The following COL5A3 variants were observed in gnomAD, a reference collection of about 807,000 sequenced individuals.
COL5A3 encodes the protein collagen type V alpha 3 chain, also known as collagen alpha-3(V) chain.
In COL5A3, 172 loss-of-function variants were observed where a neutral mutation model predicts 250.0. The ratio of observed to expected loss-of-function variants is 0.69; its 90% CI spans 0.61 to 0.78. COL5A3 has a LOEUF of 0.78. Among genes scored for constraint, COL5A3 ranks in the 30% least tolerant of loss-of-function variants. COL5A3 has a pLI of 0.00. For missense variants in COL5A3, 2,340 were observed against 2,334.4 expected, an observed-to-expected ratio of 1.00 and a Z score of -0.05; for synonymous variants, 937 against 900.4, an observed-to-expected ratio of 1.04 and a Z score of -0.73.
At chr19:10,008,128 C>G (rs1036331868) in intron 1 of COL5A3, among the ~76,000 whole-genome samples, 6 of 152,084 alleles carry the variant, frequency 3.9e-5, no homozygotes, top group African/African-American at 7.2e-5. Context: ...CACTTCCCCA[C>G]GGAACAATCA....
chr19:9,972,483 G>A (rs1342278255), intron 51 of COL5A3, among the ~76,000 whole-genome samples: 1 of 151,974 alleles, frequency 6.6e-6, no homozygotes, highest in African/African-American at 2.4e-5. Flanking sequence ...TCATTCATCC[G>A]TGTTCTGGGG....
In COL5A3 at chr19:9,977,358, C is replaced by T. The variant is rs1365644043; in HGVS notation, c.3234+7G>A. On this transcript the variant is annotated splice_region_variant and intron_variant, in intron 43 of 66. Transcript: ENST00000264828. ...CCCTGGACCCTTCCTCTCTGTGAAC[C>T]CCTCACCTTGTCCCCTTCCTCGCCA... 1.2e-6 allele frequency: 2 copies of T among 1,605,522 alleles called. No individual in the cohort carries two copies. The highest frequency in any genetic ancestry group is 1.7e-6 in the Non-Finnish European group (2 of 1,173,950).
chr19:9,974,277 C>T, intron 46 of COL5A3, 24 bp downstream of exon 46: 1 of 1,609,780 alleles, frequency 6.2e-7, no homozygotes, highest in Non-Finnish European at 8.5e-7. Context: ...ATCAGAAGTG[C>T]CACCCCCAAA....
At chr19:9,962,758 A>AC (rs1222305718) in intron 65 of COL5A3, 61 bp downstream of exon 65, 20 of 1,363,756 alleles carry the variant, frequency 1.5e-5, no homozygotes, top group Non-Finnish European at 1.8e-5. Context: ...CACCCCTCAA[A>AC]CCCCCCTGCT....
At chr19:9,986,644 G>A (rs770654133) in intron 28 of COL5A3, 38 bp from the exon 29 acceptor site, 13 of 1,613,440 alleles carry the variant, frequency 8.1e-6, no homozygotes, top group East Asian at 4.5e-5. Context: ...TGAGGGCCTC[G>A]GGGAAGGGAC....
At chr19:9,985,386 G>A (rs1050921973) in intron 31 of COL5A3, among the ~76,000 whole-genome samples, 4 of 150,008 alleles carry the variant, frequency 2.7e-5, no homozygotes, top group East Asian at 2.0e-4. Flanking sequence ...TCAGCCTCCC[G>A]AGTGGCTAGG....
In COL5A3 at chr19:9,974,196, C is replaced by T. The variant is rs765294748; in HGVS notation, c.3479G>A (p.Gly1160Glu). 1 of 1,614,006 alleles carries T rather than the reference C, an allele frequency of 6.2e-7. No individual in the cohort carries two copies. Among genetic ancestry groups the T allele is most frequent in the African/African-American group, 1.3e-5 (1 of 75,002 alleles). ...QGLPGPPGEK[G>E]EVGDVGSMGP... The stretch of plus-strand genomic sequence containing the variant: ...CATGGACCCGACGTCTCCGACCTCC[C>T]CTTTCTCTCCCGGAGGGCCTGGCAG... The change falls in exon 47 of 67, where the codon GGG (glycine) becomes GAG (glutamate). Residue 1160 changes from glycine (G) to glutamate (E), a missense_variant. Around this residue, in one of 3 missense-constraint regions of COL5A3, gnomAD observed 1,179 missense variants for 1,162.6 expected, o/e 1.01. Transcript: ENST00000264828.
intron 45 of COL5A3, 69 bp downstream of exon 45, chr19:9,976,489 C>T: frequency 8.2e-7 from 1 of 1,212,512 alleles, no homozygotes; most frequent in Non-Finnish European, 1.2e-6. Flanking sequence ...TGTGCTTCCA[C>T]TGTCGTTTGC....
In COL5A3 at chr19:9,968,695, T is replaced by A. The variant is rs371676348; in HGVS notation, c.4186A>T (p.Thr1396Ser). Residue 1396 changes from threonine (T) to serine (S), a missense_variant, in exon 58 of 67, where the codon ACT (threonine) becomes TCT (serine). Transcript: ENST00000264828. The surrounding 1 kb of genome is among the most constrained non-coding windows in gnomAD (Gnocchi z 4.1). The part of the protein sequence containing the change: ...PSGLPGLKGD[T>S]GPKGEKGHIG... ...CTTACCTTTTCCCCCTTGGGGCCAG[T>A]GTCTCCCTTCAGCCCTGGGAGGCCA... is the stretch of plus-strand genomic sequence containing the variant. The A allele has an allele frequency of 1.2e-6, 2 of 1,606,848 alleles. No homozygotes were observed. The highest frequency in any genetic ancestry group is 1.7e-4 in the Middle Eastern group (1 of 6,038).
At chr19:10,003,441 G>T (rs1228596647) in intron 6 of COL5A3, 124 bp downstream of exon 6, 6 of 921,330 alleles carry the variant, frequency 6.5e-6, no homozygotes, top group Non-Finnish European at 1.0e-5. Flanking sequence ...AAAGATCATA[G>T]ATGAGGGACC....
In COL5A3 at chr19:9,979,375, A is replaced by C; in HGVS notation, c.2755T>G (p.Leu919Val). 6.2e-7 allele frequency: 1 copy of C among 1,614,124 alleles called. No homozygotes were observed. The highest frequency in any genetic ancestry group is 1.1e-5 in the South Asian group (1 of 91,078). The change falls in exon 38 of 67, where the codon TTA becomes GTA. Residue 919 changes from leucine (L) to valine (V), a missense_variant. Around this residue, in one of 3 missense-constraint regions of COL5A3, gnomAD observed 1,179 missense variants for 1,162.6 expected, o/e 1.01. Coordinates refer to ENST00000264828, the MANE Select transcript of COL5A3 (RefSeq NM_015719.4). ...GAGTCCACTCTGACCTGAGGGCCTA[A>C]GACACCAGCTGGTCCAGGCGGGCCT... is the stretch of plus-strand genomic sequence containing the variant. ...QTGPPGPAGV[L>V]GPQGKTGEVG...
At position 9,977,355 on chromosome 19, in the gene COL5A3, A is replaced by T. The variant is rs375605881; in HGVS notation, c.3234+10T>A. The stretch of plus-strand genomic sequence containing the variant: ...CTCCCCTGGACCCTTCCTCTCTGTG[A>T]ACCCCTCACCTTGTCCCCTTCCTCG... On this transcript the variant is annotated intron_variant, in intron 43 of 66. Transcript: ENST00000264828. The T allele has an allele frequency of 5.3e-5, 85 of 1,608,366 alleles. No homozygotes were observed. The African/African-American group carries it at 8.6e-4, about 16-fold the overall frequency.
At position 9,980,701 on chromosome 19, in the gene COL5A3, G is replaced by C. The variant is rs776250375; in HGVS notation, c.2560-9C>G. 6.2e-7 allele frequency: 1 copy of C among 1,614,100 alleles called. No individual in the cohort carries two copies. The highest frequency in any genetic ancestry group is 8.5e-7 in the Non-Finnish European group (1 of 1,180,006). On this transcript the variant is annotated splice_polypyrimidine_tract_variant and intron_variant, in intron 34 of 66. Transcript: ENST00000264828. ...TCCTGGCCCACATCGCCCTAGGACA[G>C]AGTGAATGAGACTCAGGCCCCAGAA...
Position 9,964,856 on chromosome 19 carries a change from A to C in COL5A3, c.4782+1458T>G, listed in dbSNP as rs1053196225. ...ACGTAGTGAAACCCCATCTCTACTA[A>C]AAAAAAAAAAAAAAAAAAAAAAAAA... On this transcript the variant is annotated intron_variant, in intron 64 of 66. Transcript: ENST00000264828. Among the ~76,000 whole-genome samples the C allele has an allele frequency of 4.5e-4, 6 of 13,324 alleles. No individual in the cohort carries two copies. The African/African-American group carries it at 7.5e-3, about 17-fold the overall frequency. The allele number at this position is 13,324 out of a possible 152,430, so 8.7% of individuals were successfully genotyped here. A position where few individuals can be genotyped will look rare whatever the true frequency, so the allele number is the denominator to read the frequency against.
intron 4 of COL5A3, among the ~76,000 whole-genome samples, chr19:10,004,800 C>A (rs149648473): frequency 6.6e-6 from 1 of 152,300 alleles, no homozygotes; most frequent in Non-Finnish European, 1.5e-5. Context: ...ATCACACAAC[C>A]ACACAACACA....
intron 62 of COL5A3, 44 bp downstream of exon 62, chr19:9,967,303 C>A: frequency 7.3e-7 from 1 of 1,367,830 alleles, no homozygotes; most frequent in Non-Finnish European, 9.5e-7. Context: ...CTTGCTCTCC[C>A]CCCAGGTTTT....
intron 51 of COL5A3, among the ~76,000 whole-genome samples, chr19:9,972,493 G>T (rs1337125081): frequency 1.3e-5 from 2 of 152,176 alleles, no homozygotes; most frequent in South Asian, 2.1e-4. Context: ...GTGTTCTGGG[G>T]GTTACTCATG....
intron 54 of COL5A3, among the ~76,000 whole-genome samples, 197 bp downstream of exon 54, chr19:9,970,425 A>AGGTGAGTGGGGTCTGTG (rs1422522897): frequency 4.8e-4 from 4 of 8,394 alleles, no homozygotes; most frequent in African/African-American, 3.1e-3. Context: ...GGGGGCTGTA[A>AGGTGAGTGGGGTCTGTG]GGTGAGTGGG....
chr19:9,987,887 A>C (rs1233065951), intron 27 of COL5A3, among the ~76,000 whole-genome samples: 1 of 152,056 alleles, frequency 6.6e-6, no homozygotes, highest in Non-Finnish European at 1.5e-5. Context: ...GTGAGCCATC[A>C]TTATGCTGCT....
Sources: allele counts gnomAD v4.1 joint callset (sites outside exome capture counted in the v4.1 genomes callset), GRCh38; gene constraint gnomAD v4.1.1; regional missense constraint gnomAD v4.1.1; non-coding constraint Gnocchi (gnomAD v3.1); transcripts MANE v1.5; gene names NCBI Gene and HGNC (gene_info 2026-07-23, HGNC 2026-07-21).